Variants in PRRT3 observed in about 807,000 individuals in gnomAD.
The protein encoded by PRRT3 is proline rich transmembrane protein 3.
Under a neutral mutation model 56.6 loss-of-function variants are expected in PRRT3, and 48 were observed. That is an observed-to-expected ratio of 0.85 (90% CI 0.67 to 1.08). PRRT3 has a LOEUF of 1.08. Ranked by LOEUF, PRRT3 falls within the 50% of genes least tolerant of loss-of-function variation. The pLI is 0.00. For synonymous variants in PRRT3, 641 were observed against 619.1 expected, an observed-to-expected ratio of 1.04 and a Z score of -0.52; for missense variants, 1,370 against 1,353.1, an observed-to-expected ratio of 1.01 and a Z score of -0.20.
rs1224065936 is a variant in PRRT3, at chr3:9,949,858, C to G, written c.258G>C (p.Lys86Asn). The change falls in exon 2 of 4, where the codon AAG becomes AAC. Residue 86 changes from lysine (K) to asparagine (N), a missense_variant. Coordinates refer to ENST00000412055, the MANE Select transcript of PRRT3 (RefSeq NM_207351.5). The surrounding 1 kb of genome is among the most constrained non-coding windows in gnomAD (Gnocchi z 4.5). The part of the protein sequence containing the change: ...RHAPAEEMPE[K>N]PVASPLGPAL... ...CTGGGCCAAGGGGAGAGGCTACAGG[C>G]TTCTCAGGCATCTCTTCAGCAGGGG... 4 of 1,613,472 alleles carry G rather than the reference C, an allele frequency of 2.5e-6. No homozygotes were observed. The highest frequency in any genetic ancestry group is 3.4e-6 in the Non-Finnish European group (4 of 1,179,656).
Position 9,946,252 on chromosome 3 carries a change from G to A in PRRT3, c.2921C>T (p.Ala974Val), listed in dbSNP as rs754901248. 1 of 1,612,738 alleles carries A rather than the reference G, an allele frequency of 6.2e-7. No individual in the cohort carries two copies. Among genetic ancestry groups the A allele is most frequent in the Non-Finnish European group, 8.5e-7 (1 of 1,179,838 alleles). The change falls in exon 4 of 4, where the codon GCC becomes GTC. Residue 974 changes from alanine to valine, a missense_variant. Coordinates refer to ENST00000412055, the MANE Select transcript of PRRT3 (RefSeq NM_207351.5). This position sits in a 1 kb window ranked among gnomAD's most constrained non-coding sequence, Gnocchi z 4.1. ...TCAAAGCTCGATGGTATCACTGGAG[G>A]CGCTGCGGGATTCCCCAGGCTTGCC... The part of the protein sequence containing the change: ...PRGKPGESRS[A>V]SSDTIEL
Position 9,946,176 on chromosome 3 carries a change from C to A in PRRT3, c.*51G>T. 6.3e-7 allele frequency: 1 copy of A among 1,575,672 alleles called. No individual in the cohort carries two copies. The highest frequency in any genetic ancestry group is 8.6e-7 in the Non-Finnish European group (1 of 1,159,902). ...TAAAGGCTCAACTGTCCCAGTAGGC[C>A]ATGCCATGTGGGCATCGGGCAGGGT... On this transcript the variant is annotated 3_prime_UTR_variant, in exon 4 of 4. Transcript: ENST00000412055. The surrounding 1 kb of genome is among the most constrained non-coding windows in gnomAD (Gnocchi z 4.1).
Position 9,946,195 on chromosome 3 carries a change from G to A in PRRT3, c.*32C>T. The A allele has an allele frequency of 6.3e-7, 1 of 1,592,716 alleles. No homozygotes were observed. The highest frequency in any genetic ancestry group is 1.1e-5 in the South Asian group (1 of 89,324). On this transcript the variant is annotated 3_prime_UTR_variant, in exon 4 of 4. Coordinates refer to ENST00000412055, the MANE Select transcript of PRRT3 (RefSeq NM_207351.5). The surrounding 1 kb of genome is among the most constrained non-coding windows in gnomAD (Gnocchi z 4.1). ...GTAGGCCATGCCATGTGGGCATCGG[G>A]CAGGGTCCTGGCCCTGCGTCAGGAC...
Position 9,946,144 on chromosome 3 carries a change from C to A in PRRT3, c.*83G>T. On this transcript the variant is annotated 3_prime_UTR_variant, in exon 4 of 4. Coordinates refer to ENST00000412055, the MANE Select transcript of PRRT3 (RefSeq NM_207351.5). The surrounding 1 kb of genome is among the most constrained non-coding windows in gnomAD (Gnocchi z 4.1). ...AGCCACCGCGCCTGGCCAGGATGCC[C>A]ATTTTTTAAAGGCTCAACTGTCCCA... 6.7e-7 allele frequency: 1 copy of A among 1,499,590 alleles called. No individual in the cohort carries two copies. The highest frequency in any genetic ancestry group is 8.9e-7 in the Non-Finnish European group (1 of 1,123,756). The allele number at this position is 1,499,590 out of a possible 1,614,324, so 92.9% of individuals were successfully genotyped here. A position where few individuals can be genotyped will look rare whatever the true frequency, so the allele number is the denominator to read the frequency against.
intron 1 of PRRT3, 84 bp downstream of exon 1, chr3:9,952,238 G>C (rs2085631156): frequency 6.6e-6 from 1 of 152,358 alleles, no homozygotes; most frequent in Non-Finnish European, 1.5e-5. Context: ...TGCAGGCCTG[G>C]TCGCCTGCGC....
At position 9,951,696 on chromosome 3, in the gene PRRT3, T is replaced by C. The variant is rs118166160; in HGVS notation, c.-58+626A>G. 3.8e-3 allele frequency among the ~76,000 whole-genome samples: 583 copies of C among 152,176 alleles called. 14 individuals carry two copies. In the South Asian group the frequency reaches 0.048, roughly 12 times the overall value. On this transcript the variant is annotated intron_variant, in intron 1 of 3. Transcript: ENST00000412055. ...AACAGTGCTCCTGTGTTTAGTTCTT[T>C]CCCAGTGAGGCTCCTGCGCTGAGCT...
In PRRT3 at chr3:9,947,088, C is replaced by T. The variant is rs754347303; in HGVS notation, c.2085G>A (p.Leu695=). The T allele has an allele frequency of 3.6e-5, 56 of 1,535,280 alleles. No homozygotes were observed. The African/African-American group carries it at 7.0e-4, about 19-fold the overall frequency. The change falls in exon 4 of 4, where the codon TTG becomes TTA. Residue 695 remains leucine (L), a synonymous_variant. Transcript: ENST00000412055. This position sits in a 1 kb window ranked among gnomAD's most constrained non-coding sequence, Gnocchi z 9.2. ...TGGGTCTCGCGGCAGCCACCGCGGC[C>T]AACGCCAGGGCGAGCGCCCATGTCA... ...LELTWALALA[L]AAVAAARPRP... is the part of the protein sequence containing the mutation.
chr3:9,947,926 C>A lies in PRRT3; in HGVS notation c.1247G>T (p.Arg416Leu). Residue 416 changes from arginine to leucine, a missense_variant, in exon 4 of 4, where the codon CGC (arginine) becomes CTC (leucine). Arg to Leu is a moderately radical substitution (Grantham distance 102, BLOSUM62 -2). Transcript: ENST00000412055. The surrounding 1 kb of genome is among the most constrained non-coding windows in gnomAD (Gnocchi z 9.2). ...CGTGGTGACTCGAATGAGGCCCCGG[C>A]GTGACGTCGAGGGGGCCTGGACTGG... is the stretch of plus-strand genomic sequence containing the variant. ...APPVQAPSTS[R>L]RGLIRVTTQR... is the part of the protein sequence containing the mutation. 7.1e-7 allele frequency: 1 copy of A among 1,410,146 alleles called. No individual in the cohort carries two copies. The highest frequency in any genetic ancestry group is 9.2e-7 in the Non-Finnish European group (1 of 1,086,024). The allele number at this position is 1,410,146 out of a possible 1,614,324, so 87.4% of individuals were successfully genotyped here. A position where few individuals can be genotyped will look rare whatever the true frequency, so the allele number is the denominator to read the frequency against.
Position 9,949,211 on chromosome 3 carries a change from G to A in PRRT3, c.905C>T (p.Ser302Phe), listed in dbSNP as rs200982741. Residue 302 changes from serine to phenylalanine, a missense_variant, in exon 2 of 4, where the codon TCC becomes TTC. By Grantham distance (155) the Ser-to-Phe change is radical (BLOSUM62 -2). Coordinates refer to ENST00000412055, the MANE Select transcript of PRRT3 (RefSeq NM_207351.5). The surrounding 1 kb of genome is among the most constrained non-coding windows in gnomAD (Gnocchi z 4.5). ...AGAEVSWEVS[S>F]PGPPPKQADL... ...AGCCTGCTTGGGCGGGGGACCTGGG[G>A]AGCTGACTTCCCAGGACACCTCAGC... The A allele has an allele frequency of 2.1e-5, 34 of 1,608,454 alleles. No homozygotes were observed. In the African/African-American group the frequency reaches 3.3e-4, roughly 16 times the overall value.
Position 9,946,130 on chromosome 3 carries a change from C to A in PRRT3, c.*97G>T, listed in dbSNP as rs533537150. On this transcript the variant is annotated 3_prime_UTR_variant, in exon 4 of 4. Coordinates refer to ENST00000412055, the MANE Select transcript of PRRT3 (RefSeq NM_207351.5). This position sits in a 1 kb window ranked among gnomAD's most constrained non-coding sequence, Gnocchi z 4.1. ...GGATTCCTGGCGTGAGCCACCGCGC[C>A]TGGCCAGGATGCCCATTTTTTAAAG... is the stretch of plus-strand genomic sequence containing the variant. 2.0e-6 allele frequency: 3 copies of A among 1,468,438 alleles called. No homozygotes were observed. In the African/African-American group the frequency reaches 4.3e-5, roughly 21 times the overall value. 91.0% of individuals were successfully genotyped at this position (1,468,438 alleles called of 1,614,324 possible). A position where few individuals can be genotyped will look rare whatever the true frequency, so the allele number is the denominator to read the frequency against.
Position 9,947,677 on chromosome 3 carries a change from C to T in PRRT3, c.1496G>A (p.Gly499Glu). 1 of 1,566,578 alleles carries T rather than the reference C, an allele frequency of 6.4e-7. No individual in the cohort carries two copies. The highest frequency in any genetic ancestry group is 8.6e-7 in the Non-Finnish European group (1 of 1,159,422). ...ALAALAAAPA[G>E]PRLALVAAVL... ...CGCGGCCACCAATGCCAGCCGGGGC[C>T]CTGCTGGGGCGGCTGCCAGCGCAGC... The change falls in exon 4 of 4, where the codon GGG (glycine) becomes GAG (glutamate). Residue 499 changes from glycine to glutamate, a missense_variant. By Grantham distance (98) the Gly-to-Glu change is moderately conservative (BLOSUM62 -2). Transcript: ENST00000412055. The surrounding 1 kb of genome is among the most constrained non-coding windows in gnomAD (Gnocchi z 9.2).
chr3:9,949,027 G>A lies in PRRT3; in HGVS notation c.1015+74C>T, dbSNP rs912295635. ...CACAAAGAGGAAAATGAGACCTAGAGGGACCCAGGGTCAAACAGAATTGAG... is the reference window on the plus strand; with the variant it reads ...CACAAAGAGGAAAATGAGACCTAGAAGGACCCAGGGTCAAACAGAATTGAG... On this transcript the variant is annotated intron_variant, in intron 2 of 3. Transcript: ENST00000412055. The surrounding 1 kb of genome is among the most constrained non-coding windows in gnomAD (Gnocchi z 4.5). 1 of 1,520,394 alleles carries A rather than the reference G, an allele frequency of 6.6e-7. No individual in the cohort carries two copies. The highest frequency in any genetic ancestry group is 1.3e-5 in the South Asian group (1 of 77,038). The allele number at this position is 1,520,394 out of a possible 1,614,324, so 94.2% of individuals were successfully genotyped here. A position where few individuals can be genotyped will look rare whatever the true frequency, so the allele number is the denominator to read the frequency against.
In PRRT3 at chr3:9,950,124, C is replaced by T. The variant is rs1167589370; in HGVS notation, c.-9G>A. 7.0e-7 allele frequency: 1 copy of T among 1,432,902 alleles called. No individual in the cohort carries two copies. Among genetic ancestry groups the T allele is most frequent in the Non-Finnish European group, 9.2e-7 (1 of 1,090,374 alleles). The allele number at this position is 1,432,902 out of a possible 1,614,324, so 88.8% of individuals were successfully genotyped here. ...CATGGGCTGGAGGCCATGGTCTACT[C>T]CGATGCCTGGGCCTAAAGCCCCCAC... On this transcript the variant is annotated 5_prime_UTR_variant, in exon 2 of 4. Coordinates refer to ENST00000412055, the MANE Select transcript of PRRT3 (RefSeq NM_207351.5).
Position 9,949,146 on chromosome 3 carries a change from T to C in PRRT3, c.970A>G (p.Thr324Ala). 1 of 1,611,604 alleles carries C rather than the reference T, an allele frequency of 6.2e-7. No individual in the cohort carries two copies. Among genetic ancestry groups the C allele is most frequent in the Non-Finnish European group, 8.5e-7 (1 of 1,179,224 alleles). Residue 324 changes from threonine (T) to alanine (A), a missense_variant, in exon 2 of 4, where the codon ACG (threonine) becomes GCG (alanine). Transcript: ENST00000412055. The surrounding 1 kb of genome is among the most constrained non-coding windows in gnomAD (Gnocchi z 4.5). The stretch of plus-strand genomic sequence containing the variant: ...GGAGCCTCTGAGGCGGGTGGATCCG[T>C]GGGCTGGGGTCCTGGTGAATCCTTA... Reference protein sequence around the residue: ...DAKDSPGPQPTDPPASEAPDR... With the variant: ...DAKDSPGPQPADPPASEAPDR...
chr3:9,946,752 T>G lies in PRRT3; in HGVS notation c.2421A>C (p.Pro807=), dbSNP rs1204363000. 6.5e-7 allele frequency: 1 copy of G among 1,532,110 alleles called. No individual in the cohort carries two copies. The highest frequency in any genetic ancestry group is 2.3e-5 in the East Asian group (1 of 42,928). The allele number at this position is 1,532,110 out of a possible 1,614,324, so 94.9% of individuals were successfully genotyped here. A position where few individuals can be genotyped will look rare whatever the true frequency, so the allele number is the denominator to read the frequency against. The change falls in exon 4 of 4, where the codon CCA becomes CCC. Residue 807 remains proline, a synonymous_variant. Coordinates refer to ENST00000412055, the MANE Select transcript of PRRT3 (RefSeq NM_207351.5). This position sits in a 1 kb window ranked among gnomAD's most constrained non-coding sequence, Gnocchi z 4.1. ...TGCTGCGGCTCAGGTTGATGGGCGA[T>G]GGCGGCCGCAGATCCAGCTCGCTCA... is the stretch of plus-strand genomic sequence containing the variant. ...PSLSELDLRP[P]SPINLSRSID... is the part of the protein sequence containing the mutation.
Position 9,946,848 on chromosome 3 carries a change from A to T in PRRT3, c.2325T>A (p.Ala775=), listed in dbSNP as rs779472300. ...CCTGGGGTCCGCGACCCAACGACGC[A>T]GCCGAGCCCCAGGCGCCTGAACTGG... ...ATPSSGAWGS[A]ASLGRGPQGG... The change falls in exon 4 of 4, where the codon GCT becomes GCA. Residue 775 remains alanine, a synonymous_variant. Coordinates refer to ENST00000412055, the MANE Select transcript of PRRT3 (RefSeq NM_207351.5). The surrounding 1 kb of genome is among the most constrained non-coding windows in gnomAD (Gnocchi z 4.1). The T allele has an allele frequency of 1.2e-5, 19 of 1,539,230 alleles. No individual in the cohort carries two copies. The highest frequency in any genetic ancestry group is 1.6e-5 in the Non-Finnish European group (18 of 1,148,532).
Position 9,949,205 on chromosome 3 carries a change from C to A in PRRT3, c.911G>T (p.Gly304Val). 1 of 1,609,140 alleles carries A rather than the reference C, an allele frequency of 6.2e-7. No individual in the cohort carries two copies. Among genetic ancestry groups the A allele is most frequent in the South Asian group, 1.1e-5 (1 of 90,356 alleles). The change falls in exon 2 of 4, where the codon GGT (glycine) becomes GTT (valine). Residue 304 changes from glycine (G) to valine (V), a missense_variant. Physicochemically the swap from Gly to Val is moderately radical, Grantham distance 109. Transcript: ENST00000412055. This position sits in a 1 kb window ranked among gnomAD's most constrained non-coding sequence, Gnocchi z 4.5. ...AEVSWEVSSP[G>V]PPPKQADLPD... is the part of the protein sequence containing the mutation. ...AAGGTCAGCCTGCTTGGGCGGGGGA[C>A]CTGGGGAGCTGACTTCCCAGGACAC...
At position 9,946,098 on chromosome 3, in the gene PRRT3, AGTG is replaced by A; in HGVS notation, c.*126_*128del. The A allele has an allele frequency of 7.2e-7, 1 of 1,385,486 alleles. No homozygotes were observed. The highest frequency in any genetic ancestry group is 1.5e-5 in the South Asian group (1 of 66,082). 85.8% of individuals were successfully genotyped at this position (1,385,486 alleles called of 1,614,324 possible). A position where few individuals can be genotyped will look rare whatever the true frequency, so the allele number is the denominator to read the frequency against. On this transcript the variant is annotated 3_prime_UTR_variant, in exon 4 of 4. Coordinates refer to ENST00000412055, the MANE Select transcript of PRRT3 (RefSeq NM_207351.5). The surrounding 1 kb of genome is among the most constrained non-coding windows in gnomAD (Gnocchi z 4.1). ...TGTTCCACCCACCTCGGCCTCCCAAAGTGCTGGGATTCCTGGCGTGAGCCACCG... is the reference window on the plus strand; with the variant it reads ...TGTTCCACCCACCTCGGCCTCCCAAACTGGGATTCCTGGCGTGAGCCACCG...
intron 1 of PRRT3, 63 bp downstream of exon 1, chr3:9,952,259 G>GGCA (rs1224069616): frequency 6.6e-6 from 1 of 152,456 alleles, no homozygotes. Flanking sequence ...CCGCGACGGG[G>GGCA]GCAGCAGGCC....
Sources: allele counts gnomAD v4.1 joint callset (sites outside exome capture counted in the v4.1 genomes callset), GRCh38; gene constraint gnomAD v4.1.1; non-coding constraint Gnocchi (gnomAD v3.1); transcripts MANE v1.5; gene names NCBI Gene and HGNC (gene_info 2026-07-23, HGNC 2026-07-21).